STAB2: variants seen among roughly 807,000 people sequenced by gnomAD.
The protein encoded by STAB2 is stabilin-2.
Under a neutral mutation model 338.1 loss-of-function variants are expected in STAB2, and 288 were observed. That is an observed-to-expected ratio of 0.85 (90% CI 0.77 to 0.94). The LOEUF is 0.94. STAB2 is among the 40% of genes least tolerant of loss of function. STAB2 has a pLI of 0.00. For missense variants in STAB2, 3,141 were observed against 3,210.1 expected, an observed-to-expected ratio of 0.98 and a Z score of 0.52; for synonymous variants, 1,202 against 1,193.3, an observed-to-expected ratio of 1.01 and a Z score of -0.15.
chr12:103,670,871 G>T, intron 22 of STAB2, 64 bp downstream of exon 22: 4 of 1,361,752 alleles, frequency 2.9e-6, no homozygotes, highest in Non-Finnish European at 4.1e-6. Context: ...GCTGCAGCAG[G>T]GTGCTGGTGC....
chr12:103,755,683 C>T lies in STAB2; in HGVS notation c.6952C>T (p.Leu2318=). 2.5e-6 allele frequency: 4 copies of T among 1,614,176 alleles called. No homozygotes were observed. The highest frequency in any genetic ancestry group is 3.4e-6 in the Non-Finnish European group (4 of 1,180,038). Residue 2318 remains leucine, a synonymous_variant, in exon 63 of 69, where the codon CTG becomes TTG. Coordinates refer to ENST00000388887, the MANE Select transcript of STAB2 (RefSeq NM_017564.10). ...ATGCAGTGGGAACCTGCTGCAGGTC[C>T]TGATGTCCTTCCCCTCACTCACAAA... ...FSCSGNLLQV[L]MSFPSLTNFL... is the part of the protein sequence containing the mutation.
chr12:103,706,515 T>G (rs1266607586), intron 37 of STAB2, among the ~76,000 whole-genome samples: 4 of 152,060 alleles, frequency 2.6e-5, no homozygotes, highest in Admixed American at 1.3e-4. Context: ...CTGCCCCTCC[T>G]CCTTTCTCAT....
At chr12:103,724,770 TA>T (rs1881046904) in intron 44 of STAB2, among the ~76,000 whole-genome samples, 11 of 152,182 alleles carry the variant, frequency 7.2e-5, no homozygotes, top group Admixed American at 7.2e-4. Flanking sequence ...CCTGTCATCT[TA>T]GGATACAAGG....
intron 34 of STAB2, among the ~76,000 whole-genome samples, chr12:103,702,020 A>C (rs970294703): frequency 8.2e-6 from 1 of 122,588 alleles, no homozygotes; most frequent in Admixed American, 8.3e-5. Flanking sequence ...ACACACACAC[A>C]CACCCCACCC....
intron 15 of STAB2, among the ~76,000 whole-genome samples, chr12:103,658,386 C>A (rs1440896459): frequency 6.6e-6 from 1 of 152,158 alleles, no homozygotes; most frequent in Non-Finnish European, 1.5e-5. Flanking sequence ...TCGAACTGGG[C>A]AATGGCTCCA....
intron 4 of STAB2, among the ~76,000 whole-genome samples, chr12:103,621,174 T>C (rs1957295534): frequency 1.3e-5 from 2 of 152,106 alleles, no homozygotes; most frequent in Admixed American, 1.3e-4. Flanking sequence ...AGGCCATATA[T>C]GTGAAAATAC....
chr12:103,623,655 T>C (rs1957338231), intron 5 of STAB2, among the ~76,000 whole-genome samples: 1 of 152,114 alleles, frequency 6.6e-6, no homozygotes, highest in African/African-American at 2.4e-5. Context: ...TGCCAACACC[T>C]TGATTTTAGC....
chr12:103,668,822 G>A, intron 20 of STAB2, 93 bp downstream of exon 20: 2 of 1,133,348 alleles, frequency 1.8e-6, no homozygotes, highest in African/African-American at 1.6e-5. Flanking sequence ...CGTGGTCACA[G>A]GTGGCCCGTG....
At position 103,660,368 on chromosome 12, in the gene STAB2, T is replaced by A. The variant is rs141698852; in HGVS notation, c.1772T>A (p.Ile591Asn). 2.3e-5 allele frequency: 37 copies of A among 1,614,130 alleles called. No homozygotes were observed. The African/African-American group carries it at 4.8e-4, about 21-fold the overall frequency. The change falls in exon 16 of 69, where the codon ATT (isoleucine) becomes AAT (asparagine). Residue 591 changes from isoleucine (I) to asparagine (N), a missense_variant. By Grantham distance (149) the Ile-to-Asn change is moderately radical. Coordinates refer to ENST00000388887, the MANE Select transcript of STAB2 (RefSeq NM_017564.10). ...CTTCTGGAACTCGTCAGATACCACA[T>A]TGTCCCATTTACCCAGGTTGGCCCC... ...RKLLELVRYH[I>N]VPFTQLEVAT...
intron 33 of STAB2, among the ~76,000 whole-genome samples, chr12:103,697,059 C>T (rs759052052): frequency 6.6e-5 from 10 of 152,184 alleles, no homozygotes; most frequent in Non-Finnish European, 1.5e-4. Flanking sequence ...GAAGGCTGCT[C>T]TTCTTCCTCA....
intron 9 of STAB2, among the ~76,000 whole-genome samples, chr12:103,645,895 G>C (rs192378058): frequency 8.2e-4 from 124 of 152,106 alleles, no homozygotes; most frequent in Admixed American, 2.0e-3. Context: ...GGCTGGGGAG[G>C]GGGGGCAAAA....
chr12:103,742,780 G>A (rs1882691903), intron 56 of STAB2, among the ~76,000 whole-genome samples: 1 of 152,164 alleles, frequency 6.6e-6, no homozygotes, highest in Non-Finnish European at 1.5e-5. Flanking sequence ...CAGCCACTAA[G>A]GCAAGATGTG....
At chr12:103,679,375 GA>G (rs148209734) in intron 25 of STAB2, among the ~76,000 whole-genome samples, 33 of 142,456 alleles carry the variant, frequency 2.3e-4, no homozygotes, top group Admixed American at 7.7e-4. Flanking sequence ...TATCAAAAAA[GA>G]AAAAAAAAAG....
chr12:103,617,675 G>A (rs1957231670), intron 3 of STAB2, among the ~76,000 whole-genome samples: 1 of 152,210 alleles, frequency 6.6e-6, no homozygotes, highest in Non-Finnish European at 1.5e-5. Context: ...CCAAACCAAT[G>A]TCTTGCTTTT....
rs1156774121 is a variant in STAB2, at chr12:103,708,545, G to A, written c.4288+9G>A. The A allele has an allele frequency of 6.2e-7, 1 of 1,613,178 alleles. No individual in the cohort carries two copies. Among genetic ancestry groups the A allele is most frequent in the Non-Finnish European group, 8.5e-7 (1 of 1,179,264 alleles). On this transcript the variant is annotated intron_variant, in intron 39 of 68. Coordinates refer to ENST00000388887, the MANE Select transcript of STAB2 (RefSeq NM_017564.10). ...AGTGCATTGTGACAATGGTAAGAGT[G>A]AGGCCTCCAGTATTTATAATCTGCT...
intron 34 of STAB2, among the ~76,000 whole-genome samples, chr12:103,702,880 A>C (rs142995279): frequency 6.6e-6 from 1 of 152,356 alleles, no homozygotes; most frequent in African/African-American, 2.4e-5. Flanking sequence ...AATTATGTAG[A>C]ACAACTTCTT....
intron 39 of STAB2, among the ~76,000 whole-genome samples, chr12:103,709,848 A>C (rs940446148): frequency 3.9e-5 from 6 of 152,124 alleles, no homozygotes; most frequent in African/African-American, 1.4e-4. Flanking sequence ...ATTTTCGGTG[A>C]ATCCCCAGAA....
intron 39 of STAB2, among the ~76,000 whole-genome samples, chr12:103,709,584 G>C (rs779102111): frequency 6.6e-6 from 1 of 152,192 alleles, no homozygotes; most frequent in Non-Finnish European, 1.5e-5. Context: ...CCATGGATGT[G>C]GCATTGACAG....
intron 3 of STAB2, among the ~76,000 whole-genome samples, chr12:103,612,949 C>T (rs766961202): frequency 3.3e-5 from 5 of 152,196 alleles, no homozygotes; most frequent in Non-Finnish European, 5.9e-5. Flanking sequence ...TGCTGGAGGT[C>T]CACTCCAGAT....
Sources: gnomAD v4.1 joint callset for allele counts (sites outside exome capture counted in the v4.1 genomes callset) on GRCh38, gnomAD v4.1.1 for gene constraint, MANE v1.5 for transcripts, NCBI Gene and HGNC (gene_info 2026-07-23, HGNC 2026-07-21) for gene names.